Variants in KCNJ6 observed in about 807,000 individuals in gnomAD.
The protein encoded by KCNJ6 is G protein-activated inward rectifier potassium channel 2.
In KCNJ6, 9 loss-of-function variants were observed where a neutral mutation model predicts 34.2. That is an observed-to-expected ratio of 0.26 (90% CI 0.16 to 0.46). The LOEUF is 0.46. Ranked by LOEUF, KCNJ6 falls within the 20% of genes least tolerant of loss-of-function variation. KCNJ6 has a pLI of 1.00. For missense variants in KCNJ6, 236 were observed against 531.3 expected (o/e 0.44, Z 5.46); for synonymous variants, 196 against 207.1 (o/e 0.95, Z 0.46).
At chr21:37,702,451 G>T (rs1399880895) in intron 3 of KCNJ6, among the ~76,000 whole-genome samples, 2 of 152,146 alleles carry the variant, frequency 1.3e-5, no homozygotes, top group Non-Finnish European at 2.9e-5. Context: ...TGTAGTTTTT[G>T]ACTTGAGTCA....
intron 1 of KCNJ6, among the ~76,000 whole-genome samples, chr21:37,880,522 T>C (rs187782909): frequency 2.8e-4 from 43 of 152,338 alleles, no homozygotes; most frequent in African/African-American, 8.7e-4. Context: ...GAAGTCCTGA[T>C]TGATAAAACG....
chr21:37,727,915 A>G (rs1053623614), intron 2 of KCNJ6, among the ~76,000 whole-genome samples: 8 of 152,116 alleles, frequency 5.3e-5, no homozygotes, highest in African/African-American at 1.9e-4. Context: ...AACAACAACA[A>G]ACTGAACTCA....
At chr21:37,807,061 A>G (rs1477378809) in intron 2 of KCNJ6, among the ~76,000 whole-genome samples, 1 of 152,172 alleles carries the variant, frequency 6.6e-6, no homozygotes, top group African/African-American at 2.4e-5. Flanking sequence ...GTTGTTTTTC[A>G]ATTTCTTTCT....
intron 2 of KCNJ6, among the ~76,000 whole-genome samples, chr21:37,809,302 A>T (rs1013033944): frequency 1.3e-5 from 2 of 151,078 alleles, no homozygotes; most frequent in Admixed American, 6.6e-5. Flanking sequence ...GCATGTTCTC[A>T]CTCATAGGTG....
At chr21:37,693,181 A>G (rs1186922970) in intron 3 of KCNJ6, among the ~76,000 whole-genome samples, 3 of 152,176 alleles carry the variant, frequency 2.0e-5, no homozygotes, top group South Asian at 4.1e-4. Context: ...TTCGAGATAG[A>G]TGGTACCAAG....
At position 37,800,538 on chromosome 21, in the gene KCNJ6, T is replaced by C. The variant is rs192209760; in HGVS notation, c.25+40120A>G. On this transcript the variant is annotated intron_variant, in intron 2 of 3. Transcript: ENST00000609713. The stretch of plus-strand genomic sequence containing the variant: ...GATTATTTCTCATCTGGGTGATTTT[T>C]CTGGCAAAAATCCACATTAGTACAA... 2.7e-3 allele frequency among the ~76,000 whole-genome samples: 418 copies of C among 152,330 alleles called. 1 individual carries two copies. The highest frequency in any genetic ancestry group is 9.6e-3 in the African/African-American group (400 of 41,566).
In KCNJ6 at chr21:37,696,307, C is replaced by T. The variant is rs540019062; in HGVS notation, c.946+17904G>A. Among the ~76,000 whole-genome samples the T allele has an allele frequency of 2.7e-3, 410 of 152,288 alleles. 3 individuals are homozygous for T. Among genetic ancestry groups the T allele is most frequent in the African/African-American group, 9.6e-3 (397 of 41,546 alleles). On this transcript the variant is annotated intron_variant, in intron 3 of 3. Transcript: ENST00000609713. ...AGTTAAGAAACCTGGCAGACACCACCTGAGCCAGAGATAGAAGTTAACATC... is the reference window on the plus strand; with the variant it reads ...AGTTAAGAAACCTGGCAGACACCACTTGAGCCAGAGATAGAAGTTAACATC...
chr21:37,915,872 C>T lies in KCNJ6; in HGVS notation c.-28+12G>A, dbSNP rs1343516204. ...AGCTCCTCGCCTGCGAGCAGCTCAG[C>T]GCACCGCTTACCTGGCTGCGGACGG... On this transcript the variant is annotated intron_variant, in intron 1 of 3. Transcript: ENST00000609713. The T allele has an allele frequency of 6.6e-6, 1 of 152,332 alleles. No individual in the cohort carries two copies. The highest frequency in any genetic ancestry group is 2.4e-5 in the African/African-American group (1 of 41,460). 9.4% of individuals were successfully genotyped at this position (152,332 alleles called of 1,614,324 possible). A position where few individuals can be genotyped will look rare whatever the true frequency, so the allele number is the denominator to read the frequency against.
Position 37,811,396 on chromosome 21 carries a change from G to A in KCNJ6, c.25+29262C>T, listed in dbSNP as rs369898619. ...TTTATAGCCAGTCAGAGGTATGGGA[G>A]GATGTCCAGGACTTGTGATTGGCAT... On this transcript the variant is annotated intron_variant, in intron 2 of 3. Transcript: ENST00000609713. Among the ~76,000 whole-genome samples the A allele has an allele frequency of 5.3e-5, 8 of 152,324 alleles. No individual in the cohort carries two copies. The East Asian group carries it at 1.4e-3, about 26-fold the overall frequency.
intron 3 of KCNJ6, among the ~76,000 whole-genome samples, chr21:37,632,544 CA>C (rs1421599768): frequency 1.3e-5 from 2 of 152,026 alleles, no homozygotes; most frequent in African/African-American, 4.8e-5. Flanking sequence ...TAAAACAAGT[CA>C]ACCACAGTGA....
chr21:37,804,637 C>A (rs1212160657), intron 2 of KCNJ6, among the ~76,000 whole-genome samples: 1 of 152,166 alleles, frequency 6.6e-6, no homozygotes, highest in Non-Finnish European at 1.5e-5. Context: ...CATGTATTAT[C>A]ATTTAGCTCC....
intron 3 of KCNJ6, among the ~76,000 whole-genome samples, chr21:37,650,526 G>A (rs564936620): frequency 3.9e-5 from 6 of 152,120 alleles, no homozygotes; most frequent in African/African-American, 2.4e-5. Context: ...ACTGTCCTGC[G>A]TGTCATTCCC....
At chr21:37,649,920 A>ATTTTTTTTTT (rs10597774) in intron 3 of KCNJ6, among the ~76,000 whole-genome samples, 2 of 143,914 alleles carry the variant, frequency 1.4e-5, no homozygotes, top group East Asian at 2.0e-4. Context: ...CACCCAGCTA[A>ATTTTTTTTTT]TTTTTTTTTT....
chr21:37,666,387 C>T (rs906994087), intron 3 of KCNJ6, among the ~76,000 whole-genome samples: 1 of 152,168 alleles, frequency 6.6e-6, no homozygotes, highest in African/African-American at 2.4e-5. Context: ...GCACCATGAG[C>T]TGCTCCGAGG....
In KCNJ6 at chr21:37,795,749, A is replaced by AAAC. The variant is rs1426514709; in HGVS notation, c.25+44908_25+44909insGTT. ...AACTCCGTCTCAAAAAAAAAAAAAC[A>AAAC]AAAAAAAACCCTGCCACATAGAATG... On this transcript the variant is annotated intron_variant, in intron 2 of 3. Transcript: ENST00000609713. 6.4e-4 allele frequency among the ~76,000 whole-genome samples: 93 copies of AAAC among 144,880 alleles called. 1 individual carries two copies. The highest frequency in any genetic ancestry group is 2.4e-3 in the African/African-American group (89 of 37,316).
intron 1 of KCNJ6, among the ~76,000 whole-genome samples, chr21:37,858,815 C>CT (rs990824910): frequency 1.1e-4 from 17 of 151,916 alleles, no homozygotes; most frequent in Admixed American, 2.6e-4. Context: ...AGAAATATAA[C>CT]TTAAGGGAAT....
chr21:37,630,195 G>C lies in KCNJ6; in HGVS notation c.947-4711C>G, dbSNP rs181290579. Among the ~76,000 whole-genome samples, 19 of 137,690 alleles carry C rather than the reference G, an allele frequency of 1.4e-4. No homozygotes were observed. In the East Asian group the frequency reaches 4.0e-3, roughly 29 times the overall value. 90.3% of individuals were successfully genotyped at this position (137,690 alleles called of 152,430 possible). Reference sequence around the variant, plus strand: ...CCATATCAGGGACATCATCATAAAGGCTCCCAGAACTAGGTTATTTTGTGA... The same window carrying C: ...CCATATCAGGGACATCATCATAAAGCCTCCCAGAACTAGGTTATTTTGTGA... On this transcript the variant is annotated intron_variant, in intron 3 of 3. Transcript: ENST00000609713.
intron 2 of KCNJ6, among the ~76,000 whole-genome samples, chr21:37,828,379 A>G (rs1223296641): frequency 1.3e-5 from 2 of 152,098 alleles, no homozygotes; most frequent in Non-Finnish European, 2.9e-5. Context: ...TCCCCGCAGC[A>G]CTGGAAGCCA....
At chr21:37,681,178 C>A (rs529462275) in intron 3 of KCNJ6, among the ~76,000 whole-genome samples, 1 of 152,362 alleles carries the variant, frequency 6.6e-6, no homozygotes, top group Admixed American at 6.5e-5. Context: ...GTTCTCACGA[C>A]CCTAGTCAGA....
Sources: allele counts gnomAD v4.1 joint callset (sites outside exome capture counted in the v4.1 genomes callset), GRCh38; gene constraint gnomAD v4.1.1; transcripts MANE v1.5; gene names NCBI Gene and HGNC (gene_info 2026-07-23, HGNC 2026-07-21).